The following HIRA variants were observed in gnomAD, a reference collection of about 807,000 sequenced individuals.
HIRA encodes protein HIRA.
In HIRA, 13 loss-of-function variants were observed where a neutral mutation model predicts 126.6. The observed-to-expected ratio is 0.10, with a 90% CI of 0.07 to 0.16. The LOEUF (loss-of-function observed/expected upper bound fraction) is 0.16. Ranked by LOEUF, HIRA falls within the 10% of genes least tolerant of loss-of-function variation. The probability of loss-of-function intolerance (pLI) is 1.00; values close to 1 mark genes in which losing one functional copy is unlikely to be tolerated. For missense variants in HIRA, 834 were observed against 1,314.4 expected (o/e 0.63, Z 5.65); for synonymous variants, 511 against 520.0 (o/e 0.98, Z 0.24).
chr22:19,402,610 A>C (rs959331881), intron 5 of HIRA, among the ~76,000 whole-genome samples: 7 of 152,184 alleles, frequency 4.6e-5, no homozygotes, highest in African/African-American at 1.4e-4. Flanking sequence ...GGTTTTTCCT[A>C]ATATGAAATA....
chr22:19,345,236 A>G (rs1331923700), intron 24 of HIRA, among the ~76,000 whole-genome samples: 7 of 152,260 alleles, frequency 4.6e-5, no homozygotes, highest in African/African-American at 1.7e-4. Context: ...GGAAAACCCT[A>G]AAGATTCAGC....
intron 1 of HIRA, 109 bp from the exon 2 acceptor site, chr22:19,410,887 A>C (rs1273805559): frequency 2.3e-6 from 2 of 865,882 alleles, no homozygotes; most frequent in African/African-American, 1.7e-5. Flanking sequence ...GATTCTCCAA[A>C]CATCAGACAA....
At position 19,353,989 on chromosome 22, in the gene HIRA, C is replaced by A; in HGVS notation, c.2684+7G>T. On this transcript the variant is annotated splice_region_variant and intron_variant, in intron 22 of 24. Transcript: ENST00000263208. ...AGGACAGTGGCCATGGCATTCAGGT[C>A]ACGTACTTGGAGGTGCGGCCCTGGA... is the stretch of plus-strand genomic sequence containing the variant. 6.2e-7 allele frequency: 1 copy of A among 1,612,770 alleles called. No individual in the cohort carries two copies. The highest frequency in any genetic ancestry group is 1.1e-5 in the South Asian group (1 of 90,616).
At chr22:19,363,495 A>C (rs1182258552) in intron 15 of HIRA, among the ~76,000 whole-genome samples, 1 of 152,156 alleles carries the variant, frequency 6.6e-6, no homozygotes, top group Non-Finnish European at 1.5e-5. Context: ...GATTCTAACT[A>C]TATGACAACC....
intron 24 of HIRA, among the ~76,000 whole-genome samples, chr22:19,350,262 T>TATTCACTGCTGCCTGCCCC (rs372574624): frequency 1.3e-5 from 2 of 152,210 alleles, no homozygotes; most frequent in African/African-American, 2.4e-5. Flanking sequence ...CAGTCTGCCT[T>TATTCACTGCTGCCTGCCCC]ATTCACTGCT....
rs545632285 is a variant in HIRA at position 19,387,851 on chromosome 22, G to A, written c.1008-35C>T. The A allele has an allele frequency of 6.6e-5, 99 of 1,508,268 alleles. 2 individuals carry two copies. The South Asian group carries it at 9.7e-4, about 15-fold the overall frequency. 93.4% of individuals were successfully genotyped at this position (1,508,268 alleles called of 1,614,324 possible). A position where few individuals can be genotyped will look rare whatever the true frequency, so the allele number is the denominator to read the frequency against. On this transcript the variant is annotated intron_variant, in intron 10 of 24. Coordinates refer to ENST00000263208, the MANE Select transcript of HIRA (RefSeq NM_003325.4). Reference sequence around the variant, plus strand: ...ATGGCCATCAGCAGCCTGGTAGCAAGAGCCCCAGGCAGACACATGTGCCGC... The same window carrying A: ...ATGGCCATCAGCAGCCTGGTAGCAAAAGCCCCAGGCAGACACATGTGCCGC...
intron 1 of HIRA, among the ~76,000 whole-genome samples, chr22:19,430,797 T>C (rs1001704390): frequency 2.0e-5 from 3 of 152,146 alleles, no homozygotes; most frequent in African/African-American, 7.2e-5. Context: ...TCCCCAAGGG[T>C]GTGCTTTGGA....
Position 19,356,308 on chromosome 22 carries a change from CAG to C in HIRA, c.2397-22_2397-21del. ...ACATCCCTAGGAGGGAGACAGGGAACAGTTTACTCACCAACCCAGGTAAACAC... is the reference window on the plus strand; with the variant it reads ...ACATCCCTAGGAGGGAGACAGGGAACTTTACTCACCAACCCAGGTAAACAC... On this transcript the variant is annotated intron_variant, in intron 19 of 24. Coordinates refer to ENST00000263208, the MANE Select transcript of HIRA (RefSeq NM_003325.4). The C allele has an allele frequency of 6.2e-7, 1 of 1,611,264 alleles. No homozygotes were observed. Among genetic ancestry groups the C allele is most frequent in the African/African-American group, 1.3e-5 (1 of 75,016 alleles).
chr22:19,341,757 A>G (rs1292322367), intron 24 of HIRA, among the ~76,000 whole-genome samples: 1 of 152,216 alleles, frequency 6.6e-6, no homozygotes, highest in Non-Finnish European at 1.5e-5. Flanking sequence ...CATATAGAAG[A>G]ATGAAGCTGG....
chr22:19,387,792 C>T lies in HIRA; in HGVS notation c.1032G>A (p.Leu344=). Residue 344 remains leucine, a synonymous_variant, in exon 11 of 25, where the codon TTG becomes TTA. Transcript: ENST00000263208. ...ISWTLNGLGI[L]VCSMDGSVAF... Reference sequence around the variant, plus strand: ...CCACAGAGCCGTCCATAGAGCATACCAAGATGCCCAGCCCATTCAGAGTCC... The same window carrying T: ...CCACAGAGCCGTCCATAGAGCATACTAAGATGCCCAGCCCATTCAGAGTCC... 1 of 1,613,442 alleles carries T rather than the reference C, an allele frequency of 6.2e-7. No homozygotes were observed. The highest frequency in any genetic ancestry group is 8.5e-7 in the Non-Finnish European group (1 of 1,179,798).
At chr22:19,385,032 C>A (rs547373123) in intron 12 of HIRA, among the ~76,000 whole-genome samples, 3 of 152,116 alleles carry the variant, frequency 2.0e-5, no homozygotes, top group Non-Finnish European at 4.4e-5. Flanking sequence ...GGTTTTCTCT[C>A]ATACTTTATA....
intron 13 of HIRA, among the ~76,000 whole-genome samples, chr22:19,379,320 T>C (rs2089049448): frequency 6.6e-6 from 1 of 151,320 alleles, no homozygotes; most frequent in Non-Finnish European, 1.5e-5. Context: ...CCGGCAGTTT[T>C]TCAAAGTAGA....
At chr22:19,363,327 G>A (rs7292673) in intron 15 of HIRA, among the ~76,000 whole-genome samples, 16,180 of 151,940 alleles carry the variant, frequency 0.11, 2,505 homozygotes, top group African/African-American at 0.34. Context: ...TTAATAGTAG[G>A]TGGACACAGT....
intron 1 of HIRA, among the ~76,000 whole-genome samples, chr22:19,422,424 A>G (rs2089456109): frequency 6.6e-6 from 1 of 151,768 alleles, no homozygotes; most frequent in South Asian, 2.1e-4. Context: ...GGTCCCCCAC[A>G]ACCAATCTAG....
rs5993630 is a variant in HIRA at position 19,410,632 on chromosome 22, T to C, written c.100+84A>G. On this transcript the variant is annotated intron_variant, in intron 2 of 24. Transcript: ENST00000263208. ...ATCCATCCTGAAAAATAGCAAGTAT[T>C]CCCTCTACAGCTAAATGGACAGCAG... is the stretch of plus-strand genomic sequence containing the variant. The C allele has an allele frequency of 5.3e-3, 4,956 of 935,288 alleles. 162 individuals are homozygous for C. The African/African-American group carries it at 0.07, about 13-fold the overall frequency. The allele number at this position is 935,288 out of a possible 1,614,324, so 57.9% of individuals were successfully genotyped here.
chr22:19,364,951 G>A (rs1451475141), intron 15 of HIRA, among the ~76,000 whole-genome samples: 1 of 152,198 alleles, frequency 6.6e-6, no homozygotes, highest in Non-Finnish European at 1.5e-5. Context: ...GTGAACACAT[G>A]TTTGAAAAGA....
intron 1 of HIRA, among the ~76,000 whole-genome samples, chr22:19,423,701 A>G (rs2089467577): frequency 6.6e-6 from 1 of 152,198 alleles, no homozygotes; most frequent in Non-Finnish European, 1.5e-5. Context: ...TTGCCAGGGT[A>G]GCCTCCCAGG....
At chr22:19,387,973 G>A (rs1401503852) in intron 10 of HIRA, among the ~76,000 whole-genome samples, 157 bp from the exon 11 acceptor site, 9 of 144,974 alleles carry the variant, frequency 6.2e-5, no homozygotes, top group African/African-American at 1.6e-4. Context: ...TGGCCTGGGC[G>A]GGGGGGGGAG....
At chr22:19,425,385 A>T (rs913080512) in intron 1 of HIRA, among the ~76,000 whole-genome samples, 1 of 152,158 alleles carries the variant, frequency 6.6e-6, no homozygotes, top group Non-Finnish European at 1.5e-5. Flanking sequence ...TCCATAGGCA[A>T]ACACCCCGGA....
Sources: gnomAD v4.1 joint callset for allele counts (sites outside exome capture counted in the v4.1 genomes callset) on GRCh38, gnomAD v4.1.1 for gene constraint, MANE v1.5 for transcripts, NCBI Gene and HGNC (gene_info 2026-07-23, HGNC 2026-07-21) for gene names.